FAAH2: variants seen among roughly 807,000 people sequenced by gnomAD.
FAAH2 encodes fatty acid amide hydrolase 2.
Under a neutral mutation model 36.9 loss-of-function variants are expected in FAAH2, and 60 were observed. The ratio of observed to expected loss-of-function variants is 1.63; its 90% CI spans 1.32 to 2.02. The LOEUF (loss-of-function observed/expected upper bound fraction) is 2.02. Among genes scored for constraint, FAAH2 ranks in the 30% most tolerant of loss-of-function variants. The pLI is 0.00. For synonymous variants in FAAH2, 214 were observed against 143.8 expected (o/e 1.49, Z -3.49); for missense variants, 689 against 397.5 (o/e 1.73, Z -6.23).
In FAAH2 at chrX:57,312,185, G is replaced by C. The variant is rs183481847; in HGVS notation, c.412+1456G>C. On this transcript the variant is annotated intron_variant, in intron 3 of 10. Coordinates refer to ENST00000374900, the MANE Select transcript of FAAH2 (RefSeq NM_174912.4). ...GGTGAGGGAGGTGCTGTCTCTTTCT[G>C]CTCTCCCAACTCAAGAGCATGCCTG... Among the ~76,000 whole-genome samples, 55 of 112,445 alleles carry C rather than the reference G, an allele frequency of 4.9e-4. No individual in the cohort carries two copies. The South Asian group carries it at 7.3e-3, about 15-fold the overall frequency.
the FAAH2 span, among the ~76,000 whole-genome samples, chrX:57,152,912 C>A: frequency 9.1e-6 from 1 of 109,797 alleles, no homozygotes; most frequent in Admixed American, 9.6e-5. Context: ...ACCTTGGCTC[C>A]CCCCCCGCTG....
chrX:57,241,231 C>G, the FAAH2 span, among the ~76,000 whole-genome samples: 1 of 112,033 alleles, frequency 8.9e-6, no homozygotes, highest in East Asian at 2.8e-4. Flanking sequence ...AATGTAAAAC[C>G]AAAAACTATA....
intron 7 of FAAH2, among the ~76,000 whole-genome samples, chrX:57,415,991 G>T (rs1457260411): frequency 9.0e-6 from 1 of 111,245 alleles, no homozygotes; most frequent in East Asian, 2.8e-4. Context: ...GCCCTTCTTT[G>T]TATTTTTTTA....
the FAAH2 span, among the ~76,000 whole-genome samples, chrX:57,158,738 A>T: frequency 9.0e-6 from 1 of 111,637 alleles, no homozygotes; most frequent in Non-Finnish European, 1.9e-5. Flanking sequence ...TAGATTCTGG[A>T]TATTAGCCCT....
intron 3 of FAAH2, among the ~76,000 whole-genome samples, chrX:57,320,833 TAC>T (rs1402970142): frequency 8.9e-6 from 1 of 112,486 alleles, no homozygotes; most frequent in Non-Finnish European, 1.9e-5. Flanking sequence ...TGCAATATTA[TAC>T]AGTTATAAAA....
intron 10 of FAAH2, among the ~76,000 whole-genome samples, chrX:57,471,120 C>T (rs780513107): frequency 4.5e-5 from 5 of 111,685 alleles, no homozygotes; most frequent in Non-Finnish European, 9.4e-5. Context: ...CTATTTATAA[C>T]AAACTCACAG....
chrX:57,220,882 A>T, the FAAH2 span, among the ~76,000 whole-genome samples: 1 of 111,839 alleles, frequency 8.9e-6, no homozygotes, highest in African/African-American at 3.2e-5. Context: ...CCTCCTACTT[A>T]TATCTCATCG....
intron 7 of FAAH2, among the ~76,000 whole-genome samples, chrX:57,420,084 GT>G (rs1325947224): frequency 2.7e-5 from 3 of 111,675 alleles, no homozygotes; most frequent in African/African-American, 9.8e-5. Context: ...ATATATCTCT[GT>G]TTTGGTACCA....
At chrX:57,148,444 G>A in the FAAH2 span, among the ~76,000 whole-genome samples, 1 of 110,909 alleles carries the variant, frequency 9.0e-6, no homozygotes, top group Non-Finnish European at 1.9e-5. Context: ...TCATTGAGCA[G>A]TGGTTTGTAG....
At chrX:57,366,592 G>T (rs1255111647) in intron 5 of FAAH2, among the ~76,000 whole-genome samples, 1 of 112,487 alleles carries the variant, frequency 8.9e-6, no homozygotes, top group East Asian at 2.8e-4. Flanking sequence ...GCATGTGCAT[G>T]CTGGCAGGGT....
chrX:57,316,827 C>T (rs1290321348), intron 3 of FAAH2, among the ~76,000 whole-genome samples: 2 of 110,780 alleles, frequency 1.8e-5, no homozygotes, highest in East Asian at 5.6e-4. Context: ...CCCCCCACCG[C>T]CTCCAAAAAA....
At chrX:57,153,177 A>G in the FAAH2 span, among the ~76,000 whole-genome samples, 1 of 112,108 alleles carries the variant, frequency 8.9e-6, no homozygotes, top group African/African-American at 3.2e-5. Context: ...AGTTACAAGA[A>G]TAGCTACACC....
At chrX:57,467,043 G>T (rs1245573146) in intron 10 of FAAH2, among the ~76,000 whole-genome samples, 1 of 111,088 alleles carries the variant, frequency 9.0e-6, no homozygotes, top group Non-Finnish European at 1.9e-5. Flanking sequence ...TGATGATGAT[G>T]ATTTTTGTTA....
chrX:57,383,542 G>T (rs889512373), intron 7 of FAAH2, among the ~76,000 whole-genome samples: 1 of 111,529 alleles, frequency 9.0e-6, no homozygotes, highest in Non-Finnish European at 1.9e-5. Flanking sequence ...CAGAAACAGA[G>T]AACCAAATCA....
At chrX:57,174,609 C>A in the FAAH2 span, among the ~76,000 whole-genome samples, 1 of 110,782 alleles carries the variant, frequency 9.0e-6, no homozygotes, top group African/African-American at 3.3e-5. Context: ...CATTTCCTTT[C>A]TTTTACTAGC....
chrX:57,169,175 A>T, the FAAH2 span, among the ~76,000 whole-genome samples: 1 of 109,492 alleles, frequency 9.1e-6, no homozygotes, highest in Non-Finnish European at 1.9e-5. Flanking sequence ...GTACTATCGG[A>T]TTAGGGACTT....
intron 3 of FAAH2, among the ~76,000 whole-genome samples, chrX:57,314,613 C>T (rs951057657): frequency 1.8e-5 from 2 of 111,105 alleles, no homozygotes; most frequent in Non-Finnish European, 3.8e-5. Flanking sequence ...ACAACTTTCT[C>T]ATGAAAAACT....
intron 7 of FAAH2, among the ~76,000 whole-genome samples, chrX:57,414,320 T>C (rs1248484469): frequency 8.9e-6 from 1 of 111,888 alleles, no homozygotes; most frequent in Non-Finnish European, 1.9e-5. Flanking sequence ...AGCTTTTGCT[T>C]TTGCCTCGTC....
In FAAH2 at chrX:57,439,523, T is replaced by C. The variant is rs189814533; in HGVS notation, c.1117-7405T>C. On this transcript the variant is annotated intron_variant, in intron 8 of 10. Transcript: ENST00000374900. Reference sequence around the variant, plus strand: ...ATTAGCCCTTTGTCAGATGAGTAGGTTGCAAATTTTTCTCCCATTTTGTAG... The same window carrying C: ...ATTAGCCCTTTGTCAGATGAGTAGGCTGCAAATTTTTCTCCCATTTTGTAG... Among the ~76,000 whole-genome samples, 369 of 111,811 alleles carry C rather than the reference T, an allele frequency of 3.3e-3. 2 individuals carry two copies. Among genetic ancestry groups the C allele is most frequent in the African/African-American group, 0.011 (349 of 30,805 alleles).
Sources: allele counts gnomAD v4.1 joint callset (sites outside exome capture counted in the v4.1 genomes callset), GRCh38; gene constraint gnomAD v4.1.1; transcripts MANE v1.5; gene names NCBI Gene and HGNC (gene_info 2026-07-23, HGNC 2026-07-21).